Variants in FAM228B observed in about 807,000 individuals in gnomAD.
FAM228B encodes protein FAM228B.
A neutral mutation model predicts 42.6 loss-of-function variants in FAM228B; 38 were observed. The observed-to-expected ratio is 0.89, with a 90% CI of 0.69 to 1.17. The LOEUF (loss-of-function observed/expected upper bound fraction) is 1.17, where lower values mean the gene tolerates loss of function less well. Among genes scored for constraint, FAM228B ranks in the 50% most tolerant of loss-of-function variants. FAM228B has a pLI of 0.00. For synonymous variants in FAM228B, 109 were observed against 122.3 expected (o/e 0.89, Z 0.72); for missense variants, 344 against 367.3 (o/e 0.94, Z 0.52).
intron 2 of FAM228B, 98 bp from the exon 3 acceptor site, chr2:24,135,020 CT>C: frequency 1.3e-6 from 1 of 785,504 alleles, no homozygotes; most frequent in Non-Finnish European, 2.1e-6. Flanking sequence ...GCATAGAGAA[CT>C]TTCCAGGGAT....
Position 24,123,516 on chromosome 2 carries a change from C to G in FAM228B, c.-50C>G, listed in dbSNP as rs1666197791. On this transcript the variant is annotated 5_prime_UTR_variant, in exon 1 of 11. Transcript: ENST00000615575. ...CGCAGGGGGCGGAGTGCTCGCGCGG[C>G]GCTGCGTCCGGGAGACGGTGGGCGC... The G allele has an allele frequency of 6.6e-6, 1 of 152,164 alleles. No individual in the cohort carries two copies. Among genetic ancestry groups the G allele is most frequent in the African/African-American group, 2.4e-5 (1 of 41,446 alleles). 9.4% of individuals were successfully genotyped at this position (152,164 alleles called of 1,614,324 possible).
intron 3 of FAM228B, among the ~76,000 whole-genome samples, chr2:24,098,637 T>A (rs199585252): frequency 2.0e-5 from 3 of 151,444 alleles, no homozygotes; most frequent in Admixed American, 6.6e-5. Context: ...GAGGCAATAA[T>A]TAATAGCCTA....
chr2:24,089,226 G>A (rs1305478680), intron 2 of FAM228B, among the ~76,000 whole-genome samples: 1 of 152,144 alleles, frequency 6.6e-6, no homozygotes, highest in Admixed American at 6.5e-5. Flanking sequence ...GTGGTTGCCT[G>A]TAGTCCCAGC....
At chr2:24,124,968 C>G (rs1452603977) in intron 2 of FAM228B, among the ~76,000 whole-genome samples, 1 of 152,224 alleles carries the variant, frequency 6.6e-6, no homozygotes, top group Non-Finnish European at 1.5e-5. Context: ...TTCCAAAATG[C>G]TGGGATTATA....
chr2:24,114,302 C>T (rs775147660), intron 3 of FAM228B, among the ~76,000 whole-genome samples: 21 of 152,240 alleles, frequency 1.4e-4, no homozygotes, highest in Non-Finnish European at 2.5e-4. Context: ...CTCCTGAGAT[C>T]GAATGTGTTC....
In FAM228B at chr2:24,161,594, GA is replaced by G; in HGVS notation, c.781del (p.Thr261GlnfsTer12). On this transcript the variant is annotated frameshift_variant, in exon 8 of 11. Transcript: ENST00000615575. LOFTEE classifies it high-confidence loss of function. ...APYLLESQEE[E>X]KTVIYKNKGS... ...TTATCTTTTGGAATCCCAGGAAGAA[GA>G]AAAAACAGTTATTTACAAGTAAGTC... 4 of 1,538,310 alleles carry G rather than the reference GA, an allele frequency of 2.6e-6. No individual in the cohort carries two copies. Among genetic ancestry groups the G allele is most frequent in the Non-Finnish European group, 3.5e-6 (4 of 1,135,112 alleles).
Position 24,077,852 on chromosome 2 carries a change from C to T in FAM228B, c.-290+883C>T, listed in dbSNP as rs1233048624. 7.0e-7 allele frequency: 1 copy of T among 1,432,232 alleles called. No individual in the cohort carries two copies. Among genetic ancestry groups the T allele is most frequent in the African/African-American group, 1.4e-5 (1 of 69,986 alleles). 88.7% of individuals were successfully genotyped at this position (1,432,232 alleles called of 1,614,324 possible). Reference sequence around the variant, plus strand: ...TCAGCCTTCTTGCTCTCTCTGAAGCCACGTATCTGAAAAAGCACACAGGGA... The same window carrying T: ...TCAGCCTTCTTGCTCTCTCTGAAGCTACGTATCTGAAAAAGCACACAGGGA... On this transcript the variant is annotated intron_variant, in intron 1 of 10. Coordinates refer to the FAM228B transcript ENST00000613899. The surrounding 1 kb of genome is among the most constrained non-coding windows in gnomAD (Gnocchi z 5.5).
Position 24,146,033 on chromosome 2 carries a change from A to G in FAM228B, c.442-715A>G, listed in dbSNP as rs1313403283. ...TGAGTTAATATTTTCTTAATATTTTATGAGTAGCACTTTTCATAACTTCTG... is the reference window on the plus strand; with the variant it reads ...TGAGTTAATATTTTCTTAATATTTTGTGAGTAGCACTTTTCATAACTTCTG... On this transcript the variant is annotated intron_variant, in intron 5 of 10. Coordinates refer to ENST00000615575, the MANE Select transcript of FAM228B (RefSeq NM_001145710.2). Among the ~76,000 whole-genome samples, 3 of 152,180 alleles carry G rather than the reference A, an allele frequency of 2.0e-5. No individual in the cohort carries two copies. In the East Asian group the frequency reaches 5.8e-4, roughly 29 times the overall value.
chr2:24,106,902 T>C (rs1665710240), intron 3 of FAM228B, among the ~76,000 whole-genome samples: 1 of 152,130 alleles, frequency 6.6e-6, no homozygotes, highest in South Asian at 2.1e-4. Context: ...GCTAACATGA[T>C]GACAGGATCA....
Position 24,077,138 on chromosome 2 carries a change from G to T in FAM228B, c.-290+169G>T, listed in dbSNP as rs188439801. Among the ~76,000 whole-genome samples the T allele has an allele frequency of 7.2e-5, 11 of 151,998 alleles. No homozygotes were observed. The highest frequency in any genetic ancestry group is 1.6e-4 in the Non-Finnish European group (11 of 67,974). Reference sequence around the variant, plus strand: ...AGGAGGGCGGCGAGAGGTGGGGTGGGGCCCAGGTGAGTAGCGGGCAGGGCT... The same window carrying T: ...AGGAGGGCGGCGAGAGGTGGGGTGGTGCCCAGGTGAGTAGCGGGCAGGGCT... On this transcript the variant is annotated intron_variant, in intron 1 of 10. Transcript: ENST00000613899. The surrounding 1 kb of genome is among the most constrained non-coding windows in gnomAD (Gnocchi z 5.5).
At chr2:24,107,960 A>G (rs909310304) in intron 3 of FAM228B, among the ~76,000 whole-genome samples, 1 of 152,224 alleles carries the variant, frequency 6.6e-6, no homozygotes, top group Non-Finnish European at 1.5e-5. Context: ...CACAAAAACC[A>G]TACAAAAGAT....
chr2:24,099,541 C>T (rs574041293), intron 3 of FAM228B, among the ~76,000 whole-genome samples: 1 of 152,156 alleles, frequency 6.6e-6, no homozygotes, highest in African/African-American at 2.4e-5. Context: ...GAATAAAATA[C>T]CTAGGAATCC....
chr2:24,123,719 C>T (rs1422547160), intron 1 of FAM228B, among the ~76,000 whole-genome samples, 186 bp downstream of exon 1: 3 of 151,542 alleles, frequency 2.0e-5, no homozygotes, highest in Non-Finnish European at 4.4e-5. Flanking sequence ...GGGCGGTCCC[C>T]GCGCACGACG....
chr2:24,105,923 A>T (rs1010215694), intron 3 of FAM228B, among the ~76,000 whole-genome samples: 2 of 152,220 alleles, frequency 1.3e-5, no homozygotes, highest in African/African-American at 4.8e-5. Flanking sequence ...AAGAAAAAAG[A>T]ATAAAAAAGA....
intron 9 of FAM228B, chr2:24,166,459 T>C (rs150901134): frequency 1.6e-4 from 25 of 152,240 alleles, no homozygotes; most frequent in African/African-American, 5.5e-4. Context: ...TTTGTGTGTT[T>C]AGCTCCTTTT....
At chr2:24,124,747 T>C (rs1666262857) in intron 2 of FAM228B, among the ~76,000 whole-genome samples, 1 of 152,150 alleles carries the variant, frequency 6.6e-6, no homozygotes, top group Non-Finnish European at 1.5e-5. Flanking sequence ...TATGATGTAT[T>C]TATTTATTTA....
intron 2 of FAM228B, among the ~76,000 whole-genome samples, chr2:24,131,663 T>C (rs1442363937): frequency 1.3e-5 from 2 of 152,216 alleles, no homozygotes; most frequent in African/African-American, 4.8e-5. Context: ...TGTTTGTGAT[T>C]TTTGCACATC....
At chr2:24,123,684 C>T (rs1208861773) in intron 1 of FAM228B, among the ~76,000 whole-genome samples, 151 bp downstream of exon 1, 2 of 151,610 alleles carry the variant, frequency 1.3e-5, no homozygotes, top group African/African-American at 2.4e-5. Context: ...GTGCCTGTCG[C>T]GGCCGGCGAC....
In FAM228B at chr2:24,112,256, A is replaced by T. The variant is rs545867883; in HGVS notation, c.-121+17027A>T. On this transcript the variant is annotated intron_variant, in intron 3 of 10. Transcript: ENST00000613899. ...GTATATATTATGTGCATCAAAAGAGACCTGAAGAAAATCTCAAAACCATCA... is the reference window on the plus strand; with the variant it reads ...GTATATATTATGTGCATCAAAAGAGTCCTGAAGAAAATCTCAAAACCATCA... Among the ~76,000 whole-genome samples, 11 of 151,170 alleles carry T rather than the reference A, an allele frequency of 7.3e-5. No homozygotes were observed. In the South Asian group the frequency reaches 2.3e-3, roughly 32 times the overall value.
Sources: gnomAD v4.1 joint callset for allele counts (sites outside exome capture counted in the v4.1 genomes callset) on GRCh38, gnomAD v4.1.1 for gene constraint, Gnocchi (gnomAD v3.1) non-coding constraint, MANE v1.5 for transcripts, NCBI Gene and HGNC (gene_info 2026-07-23, HGNC 2026-07-21) for gene names.